VAC14: variants seen among roughly 807,000 people sequenced by gnomAD.
VAC14 encodes protein VAC14 homolog.
In VAC14, 47 loss-of-function variants were observed where a neutral mutation model predicts 85.3. The ratio of observed to expected loss-of-function variants is 0.55; its 90% CI spans 0.44 to 0.70. The LOEUF is 0.70. Among genes scored for constraint, VAC14 ranks in the 30% least tolerant of loss-of-function variants. VAC14 has a pLI of 0.00. For synonymous variants in VAC14, 447 were observed against 430.5 expected (o/e 1.04, Z -0.47); for missense variants, 861 against 1,004.3 (o/e 0.86, Z 1.93).
intron 14 of VAC14, among the ~76,000 whole-genome samples, chr16:70,705,773 C>G (rs2053909231): frequency 6.6e-6 from 1 of 152,198 alleles, no homozygotes; most frequent in Non-Finnish European, 1.5e-5. Context: ...CTGGCAAGTT[C>G]CAGGAGGGGT....
intron 16 of VAC14, 153 bp downstream of exon 16, chr16:70,696,986 C>A: frequency 1.6e-6 from 1 of 622,728 alleles, no homozygotes; most frequent in Admixed American, 2.6e-5. Flanking sequence ...CTCCCAGTGT[C>A]CTGGCAGCCC....
At chr16:70,735,111 G>A (rs371613325) in intron 13 of VAC14, among the ~76,000 whole-genome samples, 2 of 152,176 alleles carry the variant, frequency 1.3e-5, no homozygotes, top group East Asian at 3.8e-4. Flanking sequence ...AGGAAATGAC[G>A]CTGTGAAGAG....
At chr16:70,772,574 G>A (rs923886770) in intron 9 of VAC14, 2 of 158,808 alleles carry the variant, frequency 1.3e-5, no homozygotes, top group Non-Finnish European at 2.8e-5. Context: ...ACAAATAATA[G>A]CAAGTGTTGA....
Position 70,718,884 on chromosome 16 carries a change from T to G in VAC14, c.1661+12611A>C, listed in dbSNP as rs765992414. On this transcript the variant is annotated intron_variant, in intron 14 of 18. Transcript: ENST00000261776. Reference sequence around the variant, plus strand: ...CCACTTGGAAGAGACCAAAACAGCATGGCTGACCTCAAACAAAGACTGCAG... The same window carrying G: ...CCACTTGGAAGAGACCAAAACAGCAGGGCTGACCTCAAACAAAGACTGCAG... Among the ~76,000 whole-genome samples the G allele has an allele frequency of 5.3e-5, 8 of 152,092 alleles. No homozygotes were observed. The East Asian group carries it at 1.3e-3, about 26-fold the overall frequency.
chr16:70,767,171 A>G (rs2032880219), intron 10 of VAC14, among the ~76,000 whole-genome samples: 1 of 152,200 alleles, frequency 6.6e-6, no homozygotes, highest in African/African-American at 2.4e-5. Context: ...TACAGTTTCC[A>G]AATGCATGGC....
chr16:70,754,343 C>T (rs1208343938), intron 12 of VAC14, among the ~76,000 whole-genome samples: 4 of 152,178 alleles, frequency 2.6e-5, no homozygotes, highest in African/African-American at 4.8e-5. Context: ...AACGATTTGC[C>T]GCCAAGCCTC....
In VAC14 at chr16:70,785,799, A is replaced by G. The variant is rs1465452083; in HGVS notation, c.326T>C (p.Leu109Pro). The stretch of plus-strand genomic sequence containing the variant: ...GAGGGCCTCGCAGGCATAGTAGCGC[A>G]GCCTGCTGTCTGCATCATTGAAGCA... ...LTCFNDADSR[L>P]RYYACEALYN... The change falls in exon 3 of 19, where the codon CTG (leucine) becomes CCG (proline). Residue 109 changes from leucine (L) to proline (P), a missense_variant. By Grantham distance (98) the Leu-to-Pro change is moderately conservative (BLOSUM62 -3). Transcript: ENST00000261776. The G allele has an allele frequency of 1.9e-6, 3 of 1,598,374 alleles. No homozygotes were observed. Among genetic ancestry groups the G allele is most frequent in the Non-Finnish European group, 2.6e-6 (3 of 1,171,340 alleles).
At chr16:70,767,314 C>T (rs970098509) in intron 10 of VAC14, among the ~76,000 whole-genome samples, 1 of 152,066 alleles carries the variant, frequency 6.6e-6, no homozygotes, top group Non-Finnish European at 1.5e-5. Context: ...TTACAGTGTT[C>T]GGGTTACATC....
At chr16:70,755,297 C>A in intron 12 of VAC14, 1 of 260,414 alleles carries the variant, frequency 3.8e-6, no homozygotes, top group Admixed American at 5.1e-5. Context: ...AAGGAAGGTG[C>A]AGGAGAATGA....
intron 14 of VAC14, among the ~76,000 whole-genome samples, chr16:70,719,551 A>G (rs1481187602): frequency 6.6e-6 from 1 of 152,200 alleles, no homozygotes; most frequent in Non-Finnish European, 1.5e-5. Context: ...CAAAAACTCA[A>G]TGGGAAAATG....
chr16:70,738,341 C>T (rs1006380787), intron 13 of VAC14, among the ~76,000 whole-genome samples: 6 of 152,164 alleles, frequency 3.9e-5, no homozygotes, highest in African/African-American at 7.2e-5. Context: ...ATCTGTGGGC[C>T]GGCCTGGGTC....
At chr16:70,699,522 A>C (rs902393132) in intron 14 of VAC14, 1 of 152,172 alleles carries the variant, frequency 6.6e-6, no homozygotes, top group African/African-American at 2.4e-5. Context: ...AGAGTCGTTC[A>C]GGGCTAAGGA....
intron 4 of VAC14, 47 bp downstream of exon 4, chr16:70,784,728 CG>C: frequency 6.5e-7 from 1 of 1,541,460 alleles, no homozygotes; most frequent in South Asian, 1.1e-5. Context: ...TACAGACAGA[CG>C]GGAGAAACAG....
At chr16:70,741,281 A>G (rs953728312) in intron 13 of VAC14, among the ~76,000 whole-genome samples, 2 of 152,262 alleles carry the variant, frequency 1.3e-5, no homozygotes, top group African/African-American at 4.8e-5. Flanking sequence ...CAGTCTGGGA[A>G]GGAGCAGCTT....
chr16:70,785,424 A>T (rs2034004175), intron 3 of VAC14, among the ~76,000 whole-genome samples: 1 of 152,244 alleles, frequency 6.6e-6, no homozygotes, highest in Admixed American at 6.5e-5. Flanking sequence ...TCTACCAGGG[A>T]GGCGAGTGTT....
At chr16:70,799,587 C>T (rs900662099) in intron 1 of VAC14, among the ~76,000 whole-genome samples, 2 of 152,204 alleles carry the variant, frequency 1.3e-5, no homozygotes, top group Non-Finnish European at 2.9e-5. Flanking sequence ...TTGATTGTTA[C>T]AACGGATGGA....
chr16:70,742,611 C>A (rs2030451130), intron 13 of VAC14, among the ~76,000 whole-genome samples: 1 of 152,234 alleles, frequency 6.6e-6, no homozygotes, highest in Non-Finnish European at 1.5e-5. Flanking sequence ...TGGGCAAGGC[C>A]CCACATGGGC....
At chr16:70,738,085 G>C (rs907162393) in intron 13 of VAC14, among the ~76,000 whole-genome samples, 6 of 152,230 alleles carry the variant, frequency 3.9e-5, no homozygotes, top group African/African-American at 1.2e-4. Flanking sequence ...AGAGCATCAA[G>C]TCGTGCTTGG....
In VAC14 at chr16:70,801,035, G is replaced by A; in HGVS notation, c.-135C>T. Reference sequence around the variant, plus strand: ...ACGCCGCTCTAGGCTTGCCTGCCACGCTCCGCCGCCTCGCCCTGGAACCCG... The same window carrying A: ...ACGCCGCTCTAGGCTTGCCTGCCACACTCCGCCGCCTCGCCCTGGAACCCG... On this transcript the variant is annotated 5_prime_UTR_variant, in exon 1 of 19. Coordinates refer to ENST00000261776, the MANE Select transcript of VAC14 (RefSeq NM_018052.5). 4 of 543,454 alleles carry A rather than the reference G, an allele frequency of 7.4e-6. No individual in the cohort carries two copies. The South Asian group carries it at 1.3e-4, about 17-fold the overall frequency. 33.7% of individuals were successfully genotyped at this position (543,454 alleles called of 1,614,324 possible). A position where few individuals can be genotyped will look rare whatever the true frequency, so the allele number is the denominator to read the frequency against.
Sources: gnomAD v4.1 joint callset for allele counts (sites outside exome capture counted in the v4.1 genomes callset) on GRCh38, gnomAD v4.1.1 for gene constraint, MANE v1.5 for transcripts, NCBI Gene and HGNC (gene_info 2026-07-23, HGNC 2026-07-21) for gene names.